Variants in TMEM132C observed in about 807,000 individuals in gnomAD.
TMEM132C encodes the protein protein phosphatase 1, regulatory subunit 152.
Under a neutral mutation model 61.4 loss-of-function variants are expected in TMEM132C, and 29 were observed. The ratio of observed to expected loss-of-function variants is 0.47; its 90% CI spans 0.35 to 0.64. The LOEUF (loss-of-function observed/expected upper bound fraction) is 0.64. Among genes scored for constraint, TMEM132C ranks in the 30% least tolerant of loss-of-function variants. TMEM132C has a pLI of 0.00. For missense variants in TMEM132C, 1,408 were observed against 1,476.9 expected (o/e 0.95, Z 0.76); for synonymous variants, 656 against 633.1 (o/e 1.04, Z -0.54).
intron 2 of TMEM132C, among the ~76,000 whole-genome samples, chr12:128,509,619 G>T (rs1349346403): frequency 1.3e-5 from 2 of 152,158 alleles, no homozygotes; most frequent in African/African-American, 2.4e-5. Context: ...CTTCCACAGG[G>T]AGCCCTCTGA....
At chr12:128,646,998 T>C (rs1436187621) in intron 4 of TMEM132C, among the ~76,000 whole-genome samples, 1 of 151,026 alleles carries the variant, frequency 6.6e-6, no homozygotes, top group Non-Finnish European at 1.5e-5. Context: ...CAGCATTGGA[T>C]GTGAGTGTGT....
chr12:128,469,516 T>C (rs1170540239), intron 2 of TMEM132C, among the ~76,000 whole-genome samples: 4 of 151,966 alleles, frequency 2.6e-5, no homozygotes, highest in Non-Finnish European at 5.9e-5. Flanking sequence ...AGGGTTTTGC[T>C]ATGTTGCCCA....
chr12:128,638,956 ATGGTGATGG>A (rs1366186993), intron 4 of TMEM132C, among the ~76,000 whole-genome samples: 3 of 101,666 alleles, frequency 3.0e-5, no homozygotes, highest in African/African-American at 7.6e-5. Context: ...GATGGTGGTG[ATGGTGATGG>A]TGGTGATGGT....
intron 2 of TMEM132C, among the ~76,000 whole-genome samples, chr12:128,458,115 TAC>T (rs1363605825): frequency 1.3e-5 from 2 of 151,408 alleles, no homozygotes; most frequent in African/African-American, 4.8e-5. Context: ...AGGGAGATAT[TAC>T]AGTTAGTAGA....
intron 1 of TMEM132C, among the ~76,000 whole-genome samples, chr12:128,342,943 C>A (rs1426345615): frequency 6.6e-6 from 1 of 152,210 alleles, no homozygotes; most frequent in Admixed American, 6.5e-5. Flanking sequence ...CCATTCTTTG[C>A]AATCTTCAGG....
chr12:128,676,247 A>G (rs190101283), intron 5 of TMEM132C, among the ~76,000 whole-genome samples: 91 of 152,258 alleles, frequency 6.0e-4, no homozygotes, highest in Non-Finnish European at 1.1e-3. Context: ...TGAGAAATAC[A>G]GTCCTTTTTT....
chr12:128,320,551 A>G (rs754774901), intron 1 of TMEM132C, among the ~76,000 whole-genome samples: 11 of 152,192 alleles, frequency 7.2e-5, no homozygotes, highest in Non-Finnish European at 1.3e-4. Flanking sequence ...GGATCGCTTA[A>G]GCCCAGGAGT....
At chr12:128,510,834 T>C (rs1173563366) in intron 2 of TMEM132C, among the ~76,000 whole-genome samples, 1 of 152,144 alleles carries the variant, frequency 6.6e-6, no homozygotes, top group Non-Finnish European at 1.5e-5. Flanking sequence ...GCCTGGCGAG[T>C]GGCAGATGGA....
At chr12:128,436,391 A>G (rs1256850163) in intron 2 of TMEM132C, among the ~76,000 whole-genome samples, 1 of 152,244 alleles carries the variant, frequency 6.6e-6, no homozygotes, top group African/African-American at 2.4e-5. Flanking sequence ...AATTTTTGCA[A>G]TCTCCCCATC....
At chr12:128,304,769 T>A (rs894627697) in intron 1 of TMEM132C, among the ~76,000 whole-genome samples, 2 of 152,218 alleles carry the variant, frequency 1.3e-5, no homozygotes, top group Non-Finnish European at 2.9e-5. Flanking sequence ...CATTTAGAAC[T>A]GTGTCCACTC....
At chr12:128,427,428 G>GTGTGTGTGTGTGTGTA (rs1359402190) in intron 2 of TMEM132C, among the ~76,000 whole-genome samples, 68 of 129,260 alleles carry the variant, frequency 5.3e-4, no homozygotes, top group Middle Eastern at 4.1e-3. Context: ...GTGTGTGTGT[G>GTGTGTGTGTGTGTGTA]TATATATATT....
At chr12:128,646,556 T>C (rs575928768) in intron 4 of TMEM132C, among the ~76,000 whole-genome samples, 22 of 149,532 alleles carry the variant, frequency 1.5e-4, no homozygotes, top group East Asian at 4.0e-4. Flanking sequence ...TCCATCAGCA[T>C]TGGATATGAG....
intron 1 of TMEM132C, among the ~76,000 whole-genome samples, chr12:128,380,024 G>C (rs1390887790): frequency 6.6e-6 from 1 of 152,244 alleles, no homozygotes; most frequent in Non-Finnish European, 1.5e-5. Context: ...CTTTCAGCAA[G>C]AGCTTAATCT....
chr12:128,628,108 A>G (rs1954034547), intron 4 of TMEM132C, among the ~76,000 whole-genome samples: 2 of 151,844 alleles, frequency 1.3e-5, no homozygotes, highest in Admixed American at 6.6e-5. Flanking sequence ...CCCCCACCTC[A>G]CCACTTCCAG....
chr12:128,389,033 C>T (rs1423648618), intron 1 of TMEM132C, among the ~76,000 whole-genome samples: 1 of 152,160 alleles, frequency 6.6e-6, no homozygotes, highest in East Asian at 1.9e-4. Context: ...GCAAGAGTCC[C>T]CCTGGGAGAG....
intron 2 of TMEM132C, among the ~76,000 whole-genome samples, chr12:128,464,019 G>C (rs1365881861): frequency 6.6e-6 from 1 of 152,100 alleles, no homozygotes; most frequent in Non-Finnish European, 1.5e-5. Context: ...AAATAACACA[G>C]GTATTTCAAC....
At chr12:128,397,500 A>G (rs1468592185) in intron 1 of TMEM132C, among the ~76,000 whole-genome samples, 2 of 152,160 alleles carry the variant, frequency 1.3e-5, no homozygotes, top group Non-Finnish European at 2.9e-5. Context: ...TCTATATTCC[A>G]TAGAGAAACT....
chr12:128,342,998 A>C (rs568727362), intron 1 of TMEM132C, among the ~76,000 whole-genome samples: 1 of 152,222 alleles, frequency 6.6e-6, no homozygotes, highest in African/African-American at 2.4e-5. Context: ...AGGATCCCCA[A>C]GATGTCCCCA....
At position 128,705,960 on chromosome 12, in the gene TMEM132C, A is replaced by G. The variant is rs1246164267; in HGVS notation, c.2992A>G (p.Ile998Val). The change falls in exon 9 of 9, where the codon ATA becomes GTA. Residue 998 changes from isoleucine to valine, a missense_variant. Coordinates refer to ENST00000435159, the MANE Select transcript of TMEM132C (RefSeq NM_001136103.3). ...PPPQDEHTTI[I>V]DRGPGACEES... ...GCCCCAGGACGAGCACACCACCATC[A>G]TAGACCGCGGACCGGGGGCCTGCGA... 3 of 1,551,440 alleles carry G rather than the reference A, an allele frequency of 1.9e-6. No homozygotes were observed. Among genetic ancestry groups the G allele is most frequent in the Non-Finnish European group, 2.6e-6 (3 of 1,146,984 alleles).
Sources: allele counts gnomAD v4.1 joint callset (sites outside exome capture counted in the v4.1 genomes callset), GRCh38; gene constraint gnomAD v4.1.1; transcripts MANE v1.5; gene names NCBI Gene and HGNC (gene_info 2026-07-23, HGNC 2026-07-21).